SMYD3: variants seen among roughly 807,000 people sequenced by gnomAD.
SMYD3 encodes the protein histone-lysine N-methyltransferase SMYD3.
SMYD3 carries 36 observed loss-of-function variants against 57.7 expected under a neutral mutation model. The ratio of observed to expected loss-of-function variants is 0.62; its 90% confidence interval spans 0.48 to 0.82. SMYD3 has a LOEUF of 0.82. Ranked by LOEUF, SMYD3 falls within the 40% of genes least tolerant of loss-of-function variation. SMYD3 has a pLI of 0.00. For missense variants in SMYD3, 515 were observed against 538.8 expected, an observed-to-expected ratio of 0.96 and a Z score of 0.44; for synonymous variants, 211 against 195.0, an observed-to-expected ratio of 1.08 and a Z score of -0.68.
At chr1:245,979,148 TCA>T (rs1408989070) in intron 5 of SMYD3, among the ~76,000 whole-genome samples, 1 of 152,106 alleles carries the variant, frequency 6.6e-6, no homozygotes, top group African/African-American at 2.4e-5. Flanking sequence ...CTCTCTGTCA[TCA>T]CACAGAAATA....
At chr1:246,081,326 T>A (rs563342747) in intron 5 of SMYD3, among the ~76,000 whole-genome samples, 2 of 152,360 alleles carry the variant, frequency 1.3e-5, no homozygotes, top group African/African-American at 4.8e-5. Context: ...GTGCTTGTGT[T>A]TACAAACTGT....
chr1:246,239,813 G>A (rs2063576246), intron 5 of SMYD3, among the ~76,000 whole-genome samples: 1 of 152,076 alleles, frequency 6.6e-6, no homozygotes, highest in Non-Finnish European at 1.5e-5. Flanking sequence ...TCTCATTGTG[G>A]TTTTGATTTG....
chr1:245,796,973 T>C (rs1220590353), intron 10 of SMYD3, among the ~76,000 whole-genome samples: 1 of 152,158 alleles, frequency 6.6e-6, no homozygotes, highest in African/African-American at 2.4e-5. Flanking sequence ...AATAATGAAT[T>C]TGGAAGGACA....
chr1:246,152,022 C>T (rs2061948763), intron 5 of SMYD3, among the ~76,000 whole-genome samples: 1 of 152,194 alleles, frequency 6.6e-6, no homozygotes, highest in Non-Finnish European at 1.5e-5. Flanking sequence ...AAATGAAAAA[C>T]TACTTCACTG....
chr1:245,844,111 ACT>A, intron 10 of SMYD3, among the ~76,000 whole-genome samples: 1 of 152,086 alleles, frequency 6.6e-6, no homozygotes, highest in Non-Finnish European at 1.5e-5. Flanking sequence ...CAGGAGGAAA[ACT>A]CTTCTTCCTT....
intron 5 of SMYD3, among the ~76,000 whole-genome samples, chr1:246,318,715 T>C (rs1385190328): frequency 1.3e-5 from 2 of 152,226 alleles, no homozygotes; most frequent in Non-Finnish European, 1.5e-5. Context: ...TACACTTAAA[T>C]AGATAAAGCA....
chr1:246,015,226 T>C (rs76871647), intron 5 of SMYD3, among the ~76,000 whole-genome samples: 4,397 of 152,246 alleles, frequency 0.029, 215 homozygotes, highest in African/African-American at 0.1. Context: ...TGTATGCTTT[T>C]TTATGCCTTT....
intron 10 of SMYD3, among the ~76,000 whole-genome samples, chr1:245,825,612 T>C (rs942268164): frequency 6.6e-6 from 1 of 152,188 alleles, no homozygotes; most frequent in Non-Finnish European, 1.5e-5. Flanking sequence ...CTTTTAAAAA[T>C]GCCTTTGTGG....
At chr1:246,198,617 C>T (rs2062861817) in intron 5 of SMYD3, among the ~76,000 whole-genome samples, 1 of 152,070 alleles carries the variant, frequency 6.6e-6, no homozygotes, top group Non-Finnish European at 1.5e-5. Context: ...TTTTTACTGC[C>T]TAAGAGAGTC....
At chr1:246,191,376 G>A (rs951325007) in intron 5 of SMYD3, among the ~76,000 whole-genome samples, 8 of 152,116 alleles carry the variant, frequency 5.3e-5, no homozygotes, top group African/African-American at 1.9e-4. Context: ...AAAATTCAAC[G>A]TTTTTCCTCA....
At chr1:246,020,699 G>A (rs1285353203) in intron 5 of SMYD3, among the ~76,000 whole-genome samples, 3 of 152,136 alleles carry the variant, frequency 2.0e-5, no homozygotes, top group African/African-American at 7.2e-5. Flanking sequence ...CTACAAAGTA[G>A]ATACTCATCA....
intron 8 of SMYD3, among the ~76,000 whole-genome samples, chr1:245,913,523 A>G (rs2055174056): frequency 2.0e-5 from 3 of 151,720 alleles, no homozygotes; most frequent in South Asian, 4.1e-4. Context: ...TAAAAAAAAA[A>G]AAAGAAAACA....
At chr1:245,986,217 G>A (rs957738092) in intron 5 of SMYD3, among the ~76,000 whole-genome samples, 3 of 152,074 alleles carry the variant, frequency 2.0e-5, no homozygotes. Context: ...AACTGAGAGA[G>A]GACCCACTGA....
At chr1:246,386,875 T>C (rs2066491373) in intron 1 of SMYD3, among the ~76,000 whole-genome samples, 2 of 148,552 alleles carry the variant, frequency 1.3e-5, no homozygotes, top group Admixed American at 6.8e-5. Context: ...TGTTATACAA[T>C]GTTATACTTT....
rs1317917231 is a variant in SMYD3 at position 246,095,374 on chromosome 1, CA to C, written c.532-165438del. Among the ~76,000 whole-genome samples, 68 of 152,290 alleles carry C rather than the reference CA, an allele frequency of 4.5e-4. 1 individual carries two copies. Among genetic ancestry groups the C allele is most frequent in the African/African-American group, 1.6e-3 (66 of 41,558 alleles). ...ATGCCAGATAATGTGCTAGGCACTC[CA>C]AGGGCAGAAGTGAGTGCACACAGGG... On this transcript the variant is annotated intron_variant, in intron 5 of 11. Coordinates refer to ENST00000490107, the MANE Select transcript of SMYD3 (RefSeq NM_001167740.2).
intron 8 of SMYD3, among the ~76,000 whole-genome samples, chr1:245,874,454 T>A (rs2052382586): frequency 6.6e-6 from 1 of 152,208 alleles, no homozygotes; most frequent in African/African-American, 2.4e-5. Context: ...CATAGCTTTT[T>A]AGGAGGCAAT....
intron 1 of SMYD3, among the ~76,000 whole-genome samples, chr1:246,436,936 C>CT (rs1415646774): frequency 7.1e-6 from 1 of 140,084 alleles, no homozygotes. Flanking sequence ...AGTTTTCACT[C>CT]TCGCCCAGAC....
intron 5 of SMYD3, among the ~76,000 whole-genome samples, chr1:246,060,475 T>C (rs1233732841): frequency 6.6e-6 from 1 of 152,040 alleles, no homozygotes; most frequent in Non-Finnish European, 1.5e-5. Flanking sequence ...ACGACAAAAA[T>C]GGCATAACAT....
intron 1 of SMYD3, among the ~76,000 whole-genome samples, chr1:246,462,871 T>C (rs949162849): frequency 6.6e-6 from 1 of 151,002 alleles, no homozygotes; most frequent in African/African-American, 2.4e-5. Flanking sequence ...TTTAATTGAG[T>C]AGAAAAAAAG....
Sources: allele counts gnomAD v4.1 joint callset (sites outside exome capture counted in the v4.1 genomes callset), GRCh38; gene constraint gnomAD v4.1.1; transcripts MANE v1.5; gene names NCBI Gene and HGNC (gene_info 2026-07-23, HGNC 2026-07-21).